Variants in ASXL2 observed in about 807,000 individuals in gnomAD.
ASXL2 encodes the protein ASXL transcriptional regulator 2.
In ASXL2, 23 loss-of-function variants were observed where a neutral mutation model predicts 122.0. That is an observed-to-expected ratio of 0.19 (90% CI 0.14 to 0.27). ASXL2 has a LOEUF of 0.27. Ranked by LOEUF, ASXL2 falls within the 10% of genes least tolerant of loss-of-function variation. ASXL2 has a pLI of 1.00. For synonymous variants in ASXL2, 650 were observed against 637.0 expected, an observed-to-expected ratio of 1.02 and a Z score of -0.31; for missense variants, 1,518 against 1,713.8, an observed-to-expected ratio of 0.89 and a Z score of 2.02.
intron 12 of ASXL2, among the ~76,000 whole-genome samples, chr2:25,749,430 C>A (rs1401161919): frequency 6.6e-6 from 1 of 152,178 alleles, no homozygotes; most frequent in East Asian, 1.9e-4. Flanking sequence ...TGCCTCTGAG[C>A]TCAAGTAGTG....
chr2:25,755,914 A>T, intron 10 of ASXL2, 104 bp downstream of exon 10: 2 of 951,322 alleles, frequency 2.1e-6, no homozygotes, highest in Non-Finnish European at 3.4e-6. Context: ...TCCTATGGAA[A>T]CATCCTGTCC....
rs568659466 is a variant in ASXL2 at position 25,737,180 on chromosome 2, C to G, written c.*4849G>C. 6.6e-6 allele frequency: 1 copy of G among 151,908 alleles called. No individual in the cohort carries two copies. Among genetic ancestry groups the G allele is most frequent in the South Asian group, 2.1e-4 (1 of 4,798 alleles). The allele number at this position is 151,908 out of a possible 1,614,324, so 9.4% of individuals were successfully genotyped here. A position where few individuals can be genotyped will look rare whatever the true frequency, so the allele number is the denominator to read the frequency against. ...GATTAGACGGGCAGGAAGGACATGA[C>G]TGGCTATGAAACTCACTTCTGAGAG... On this transcript the variant is annotated 3_prime_UTR_variant, in exon 13 of 13. Transcript: ENST00000435504.
intron 5 of ASXL2, among the ~76,000 whole-genome samples, chr2:25,775,157 C>T (rs774611034): frequency 3.3e-5 from 5 of 151,602 alleles, no homozygotes; most frequent in East Asian, 3.9e-4. Flanking sequence ...GATGGAGTTT[C>T]GCTCTTGTCA....
Position 25,744,093 on chromosome 2 carries a change from T to C in ASXL2, c.2244A>G (p.Pro748=). The C allele has an allele frequency of 1.9e-6, 3 of 1,613,994 alleles. No homozygotes were observed. Among genetic ancestry groups the C allele is most frequent in the Non-Finnish European group, 2.5e-6 (3 of 1,179,876 alleles). Residue 748 remains proline (P), a synonymous_variant, in exon 13 of 13, where the codon CCA becomes CCG. Coordinates refer to ENST00000435504, the MANE Select transcript of ASXL2 (RefSeq NM_018263.6). This position sits in a 1 kb window ranked among gnomAD's most constrained non-coding sequence, Gnocchi z 4.7. ...GGTRELLPCG[P]ETQPQSETKT... ...TGGTCTCAGACTGGGGCTGAGTCTC[T>C]GGACCACAGGGTAAAAGCTCTCTCG...
At position 25,738,020 on chromosome 2, in the gene ASXL2, C is replaced by G. The variant is rs918013800; in HGVS notation, c.*4009G>C. On this transcript the variant is annotated 3_prime_UTR_variant, in exon 13 of 13. Coordinates refer to ENST00000435504, the MANE Select transcript of ASXL2 (RefSeq NM_018263.6). ...TTTTCTTTTAAAATAAAAAATAAAC[C>G]CCAAAACTATTCCCCTTATTGCATT... 1 of 151,810 alleles carries G rather than the reference C, an allele frequency of 6.6e-6. No homozygotes were observed. The highest frequency in any genetic ancestry group is 1.5e-5 in the Non-Finnish European group (1 of 67,956). 9.4% of individuals were successfully genotyped at this position (151,810 alleles called of 1,614,324 possible).
In ASXL2 at chr2:25,745,216, C is replaced by CT. The variant is rs58245687; in HGVS notation, c.1861-741dup. Among the ~76,000 whole-genome samples the CT allele has an allele frequency of 1.8e-3, 263 of 142,938 alleles. 1 individual carries two copies. Among genetic ancestry groups the CT allele is most frequent in the African/African-American group, 5.9e-3 (227 of 38,588 alleles). 93.8% of individuals were successfully genotyped at this position (142,938 alleles called of 152,430 possible). On this transcript the variant is annotated intron_variant, in intron 12 of 12. Coordinates refer to ENST00000435504, the MANE Select transcript of ASXL2 (RefSeq NM_018263.6). ...CAGAACCCCCAAGACCCTAGGAAGT[C>CT]TTTTTTTTTTTTTTTAGATAGGGTC... is the stretch of plus-strand genomic sequence containing the variant.
intron 4 of ASXL2, among the ~76,000 whole-genome samples, chr2:25,801,766 A>C (rs2089002044): frequency 6.6e-6 from 1 of 152,102 alleles, no homozygotes; most frequent in Admixed American, 6.5e-5. Context: ...CTCTTTTACT[A>C]GTCTCTTAAT....
chr2:25,792,527 A>C (rs914905525), intron 5 of ASXL2, among the ~76,000 whole-genome samples: 6 of 152,044 alleles, frequency 3.9e-5, no homozygotes, highest in Non-Finnish European at 7.3e-5. Flanking sequence ...AGATCGAGTT[A>C]CTATTATTTG....
chr2:25,750,141 T>G lies in ASXL2; in HGVS notation c.1415A>C (p.His472Pro), dbSNP rs749098847. ...GATGGGAAGAATGCTGCTAAGCTCA[T>G]GTGTATTGAGAGCTGAGGAAAGCAG... Reference protein sequence around the residue: ...EPLLSSALNTHELSSILPIKC... With the variant: ...EPLLSSALNTPELSSILPIKC... The change falls in exon 12 of 13, where the codon CAT becomes CCT. Residue 472 changes from histidine (H) to proline (P), a missense_variant. His to Pro is a moderately conservative substitution (Grantham distance 77). Coordinates refer to ENST00000435504, the MANE Select transcript of ASXL2 (RefSeq NM_018263.6). The G allele has an allele frequency of 1.9e-6, 3 of 1,613,900 alleles. No individual in the cohort carries two copies. The highest frequency in any genetic ancestry group is 1.3e-5 in the African/African-American group (1 of 74,938).
intron 3 of ASXL2, among the ~76,000 whole-genome samples, chr2:25,823,521 G>C (rs145353050): frequency 8.5e-5 from 13 of 152,232 alleles, no homozygotes; most frequent in African/African-American, 2.9e-4. Context: ...GCTAAAACTA[G>C]AGAATGCCCT....
chr2:25,809,170 A>G (rs2089128994), intron 3 of ASXL2, among the ~76,000 whole-genome samples: 1 of 152,158 alleles, frequency 6.6e-6, no homozygotes, highest in South Asian at 2.1e-4. Context: ...GAGGGAGGAT[A>G]GCAATTAAGT....
chr2:25,823,439 T>G (rs748434234), intron 3 of ASXL2, among the ~76,000 whole-genome samples: 17 of 152,216 alleles, frequency 1.1e-4, no homozygotes, highest in Non-Finnish European at 2.1e-4. Context: ...TTGTTCCAAG[T>G]TTATTTTTCA....
intron 5 of ASXL2, among the ~76,000 whole-genome samples, chr2:25,782,070 T>C (rs941992424): frequency 6.7e-6 from 1 of 148,434 alleles, no homozygotes; most frequent in Non-Finnish European, 1.5e-5. Flanking sequence ...CCTCCCGAAG[T>C]GCTGGGACTA....
chr2:25,772,930 C>T (rs772944381), intron 5 of ASXL2, among the ~76,000 whole-genome samples: 27 of 152,118 alleles, frequency 1.8e-4, no homozygotes, highest in Admixed American at 5.2e-4. Context: ...ATGACTTGGC[C>T]GGGCGTGGTG....
At position 25,789,381 on chromosome 2, in the gene ASXL2, T is replaced by C. The variant is rs568535551; in HGVS notation, c.403+10004A>G. ...TGACTTGATTATGTAAGTTTAAAAA[T>C]TTCTCTGGACATTATTCTGTTCTAG... On this transcript the variant is annotated intron_variant, in intron 5 of 12. Transcript: ENST00000435504. 4.6e-5 allele frequency among the ~76,000 whole-genome samples: 7 copies of C among 152,250 alleles called. No individual in the cohort carries two copies. In the South Asian group the frequency reaches 1.4e-3, roughly 31 times the overall value.
chr2:25,815,898 C>G (rs1018134058), intron 3 of ASXL2, among the ~76,000 whole-genome samples: 22 of 152,058 alleles, frequency 1.4e-4, no homozygotes, highest in East Asian at 9.6e-4. Context: ...ATCAAATTTA[C>G]AGAGATAGGA....
At chr2:25,845,776 T>C (rs1438782467) in intron 1 of ASXL2, among the ~76,000 whole-genome samples, 3 of 152,180 alleles carry the variant, frequency 2.0e-5, no homozygotes, top group African/African-American at 7.2e-5. Flanking sequence ...CATTTCCTGG[T>C]AAATGTATAG....
chr2:25,814,266 T>C (rs1020226684), intron 3 of ASXL2, among the ~76,000 whole-genome samples: 2 of 152,060 alleles, frequency 1.3e-5, no homozygotes, highest in Admixed American at 1.3e-4. Context: ...AATAAAGCAA[T>C]AGCAGAGAAG....
At chr2:25,775,241 C>G (rs1031024981) in intron 5 of ASXL2, among the ~76,000 whole-genome samples, 10 of 152,130 alleles carry the variant, frequency 6.6e-5, no homozygotes, top group Non-Finnish European at 1.5e-4. Context: ...GATTCTCCTG[C>G]CTCAGCCTCC....
Sources: allele counts gnomAD v4.1 joint callset (sites outside exome capture counted in the v4.1 genomes callset), GRCh38; gene constraint gnomAD v4.1.1; non-coding constraint Gnocchi (gnomAD v3.1); transcripts MANE v1.5; gene names NCBI Gene and HGNC (gene_info 2026-07-23, HGNC 2026-07-21).